NPNT: variants seen among roughly 807,000 people sequenced by gnomAD.
The protein encoded by NPNT is nephronectin.
Under a neutral mutation model 68.6 loss-of-function variants are expected in NPNT, and 45 were observed. The ratio of observed to expected loss-of-function variants is 0.66; its 90% CI spans 0.52 to 0.84. NPNT has a LOEUF of 0.84. Among genes scored for constraint, NPNT ranks in the 40% least tolerant of loss-of-function variants. The pLI is 0.00. For missense variants in NPNT, 672 were observed against 714.8 expected, an observed-to-expected ratio of 0.94 and a Z score of 0.68; for synonymous variants, 233 against 253.3, an observed-to-expected ratio of 0.92 and a Z score of 0.76.
chr4:105,917,796 C>T (rs1428554262), intron 2 of NPNT, among the ~76,000 whole-genome samples: 1 of 152,102 alleles, frequency 6.6e-6, no homozygotes, highest in Non-Finnish European at 1.5e-5. Context: ...TTTCTAAGAA[C>T]TGCAATTAAC....
intron 10 of NPNT, among the ~76,000 whole-genome samples, chr4:105,960,745 GAAAC>G (rs1249143480): frequency 6.6e-6 from 1 of 150,382 alleles, no homozygotes; most frequent in East Asian, 1.9e-4. Flanking sequence ...GAATAAGAGA[GAAAC>G]CAACATATCT....
chr4:105,958,393 C>G (rs1242031411), intron 8 of NPNT, 78 bp from the exon 9 acceptor site: 12 of 723,810 alleles, frequency 1.7e-5, no homozygotes, highest in Non-Finnish European at 2.4e-5. Flanking sequence ...TTTCCTCCTG[C>G]CCTTGTTAAA....
chr4:105,924,191 G>T (rs1009176110), intron 2 of NPNT, among the ~76,000 whole-genome samples: 2 of 152,024 alleles, frequency 1.3e-5, no homozygotes, highest in African/African-American at 4.8e-5. Context: ...CACAGCCCTT[G>T]TTGTGGTTTA....
At chr4:105,934,726 T>C (rs767018694) in intron 3 of NPNT, among the ~76,000 whole-genome samples, 1 of 152,244 alleles carries the variant, frequency 6.6e-6, no homozygotes, top group Non-Finnish European at 1.5e-5. Flanking sequence ...CCATTGAATG[T>C]TGCATGTTTT....
At chr4:105,913,006 T>G (rs1303922126) in intron 2 of NPNT, among the ~76,000 whole-genome samples, 1 of 152,140 alleles carries the variant, frequency 6.6e-6, no homozygotes, top group Non-Finnish European at 1.5e-5. Flanking sequence ...TAGCTGGGAT[T>G]ACAGGCGCCC....
At chr4:105,960,090 G>A (rs559521320) in intron 10 of NPNT, among the ~76,000 whole-genome samples, 12 of 152,158 alleles carry the variant, frequency 7.9e-5, no homozygotes, top group East Asian at 1.9e-4. Context: ...GATTACAGGC[G>A]TGAGCCACCG....
chr4:105,942,647 TAC>T lies in NPNT; in HGVS notation c.1106_1107del (p.Thr369SerfsTer2). The T allele has an allele frequency of 6.2e-7, 1 of 1,613,932 alleles. No individual in the cohort carries two copies. ...PAASTPPGGITVDNRVQTDPQ... is the reference protein window; with the variant it reads ...PAASTPPGGIXVDNRVQTDPQ... ...CTGCCAGTACACCTCCAGGAGGGAT[TAC>T]AGTTGACAACAGGGTACAGACAGAC... On this transcript the variant is annotated frameshift_variant, in exon 8 of 12. Transcript: ENST00000379987. LOFTEE classifies it high-confidence loss of function.
At chr4:105,918,235 C>T (rs1192365783) in intron 2 of NPNT, among the ~76,000 whole-genome samples, 1 of 152,086 alleles carries the variant, frequency 6.6e-6, no homozygotes, top group Non-Finnish European at 1.5e-5. Flanking sequence ...TTAGTCGAGG[C>T]CCAGTAACAA....
intron 3 of NPNT, among the ~76,000 whole-genome samples, chr4:105,933,201 A>C (rs773028781): frequency 5.3e-5 from 8 of 152,204 alleles, no homozygotes; most frequent in Non-Finnish European, 7.3e-5. Context: ...CTTAGTTGCT[A>C]TTTGATTATA....
chr4:105,961,718 T>C (rs1731731210), intron 10 of NPNT, among the ~76,000 whole-genome samples: 1 of 152,118 alleles, frequency 6.6e-6, no homozygotes, highest in African/African-American at 2.4e-5. Context: ...ACAGAGCAAA[T>C]TGAAAGGAAG....
chr4:105,958,615 A>C, intron 9 of NPNT, 58 bp downstream of exon 9: 1 of 979,726 alleles, frequency 1.0e-6, no homozygotes, highest in East Asian at 2.7e-5. Flanking sequence ...TCTCCATGAA[A>C]ATAACTTTTA....
At chr4:105,904,686 AT>A (rs141534245) in intron 2 of NPNT, among the ~76,000 whole-genome samples, 9,123 of 150,210 alleles carry the variant, frequency 0.061, 443 homozygotes, top group African/African-American at 0.13. Context: ...TTTAGCCATA[AT>A]TTTTTTTTTC....
In NPNT at chr4:105,971,028, C is replaced by A; in HGVS notation, c.*2038C>A. The A allele has an allele frequency of 2.8e-6, 1 of 359,968 alleles. No homozygotes were observed. Among genetic ancestry groups the A allele is most frequent in the Non-Finnish European group, 5.7e-6 (1 of 176,238 alleles). The allele number at this position is 359,968 out of a possible 1,614,324, so 22.3% of individuals were successfully genotyped here. Reference sequence around the variant, plus strand: ...GTATCTCAGTAATGTCCTAGTGTGGCGGTGGTTTTCAATGTTTCTTCATGT... The same window carrying A: ...GTATCTCAGTAATGTCCTAGTGTGGAGGTGGTTTTCAATGTTTCTTCATGT... On this transcript the variant is annotated 3_prime_UTR_variant, in exon 12 of 12. Coordinates refer to ENST00000379987, the MANE Select transcript of NPNT (RefSeq NM_001033047.3).
intron 4 of NPNT, 143 bp from the exon 5 acceptor site, chr4:105,938,158 C>T: frequency 4.8e-6 from 3 of 623,292 alleles, no homozygotes; most frequent in South Asian, 5.0e-5. Flanking sequence ...CTTTTATTTT[C>T]TTTAGATGTT....
In NPNT at chr4:105,898,641, G is replaced by A. The variant is rs148950247; in HGVS notation, c.172+640G>A. Among the ~76,000 whole-genome samples, 727 of 152,208 alleles carry A rather than the reference G, an allele frequency of 4.8e-3. 4 individuals carry two copies. The highest frequency in any genetic ancestry group is 0.017 in the African/African-American group (691 of 41,518). The stretch of plus-strand genomic sequence containing the variant: ...CAAAGCCACTGAAACAACATTATTT[G>A]TAAGTTCTATAAGTAACCAACCTCA... On this transcript the variant is annotated intron_variant, in intron 2 of 11. Transcript: ENST00000379987.
intron 1 of NPNT, among the ~76,000 whole-genome samples, chr4:105,896,987 T>C (rs1444417113): frequency 1.3e-5 from 2 of 152,254 alleles, no homozygotes; most frequent in African/African-American, 2.4e-5. Context: ...ATGCATTTCT[T>C]GCACACATAT....
intron 8 of NPNT, among the ~76,000 whole-genome samples, chr4:105,951,057 C>T (rs1730796520): frequency 6.6e-6 from 1 of 152,172 alleles, no homozygotes; most frequent in Non-Finnish European, 1.5e-5. Context: ...CTGCAGTCCC[C>T]ACTTTGGATA....
At chr4:105,928,945 ATTTAT>A (rs1262145366) in intron 3 of NPNT, among the ~76,000 whole-genome samples, 1 of 150,540 alleles carries the variant, frequency 6.6e-6, no homozygotes, top group Non-Finnish European at 1.5e-5. Flanking sequence ...TTTTTTCACT[ATTTAT>A]TTTTATTTTT....
At chr4:105,939,264 A>C (rs1191113929) in intron 5 of NPNT, among the ~76,000 whole-genome samples, 1 of 152,238 alleles carries the variant, frequency 6.6e-6, no homozygotes, top group East Asian at 1.9e-4. Context: ...TATTAGCCTT[A>C]AGGTAAGACC....
Sources: gnomAD v4.1 joint callset for allele counts (sites outside exome capture counted in the v4.1 genomes callset) on GRCh38, gnomAD v4.1.1 for gene constraint, MANE v1.5 for transcripts, NCBI Gene and HGNC (gene_info 2026-07-23, HGNC 2026-07-21) for gene names.